Variants in PDIA5 observed in about 807,000 individuals in gnomAD.
PDIA5 encodes the protein protein disulfide isomerase family A member 5, also known as protein disulfide-isomerase A5.
Under a neutral mutation model 77.6 loss-of-function variants are expected in PDIA5, and 58 were observed. That is an observed-to-expected ratio of 0.75 (90% CI 0.61 to 0.93). PDIA5 has a LOEUF of 0.93. PDIA5 is among the 40% of genes least tolerant of loss of function. The pLI, the probability that PDIA5 is intolerant of heterozygous loss-of-function variation, is 0.00. For synonymous variants in PDIA5, 250 were observed against 252.1 expected (o/e 0.99, Z 0.08); for missense variants, 630 against 647.7 (o/e 0.97, Z 0.30).
intron 11 of PDIA5, among the ~76,000 whole-genome samples, chr3:123,143,998 G>A (rs1430713682): frequency 3.3e-5 from 5 of 152,124 alleles, no homozygotes; most frequent in African/African-American, 4.8e-5. Context: ...CTTGTCCCTG[G>A]GAGGGACAGG....
chr3:123,111,875 T>C (rs1397975704), intron 7 of PDIA5, among the ~76,000 whole-genome samples: 1 of 152,252 alleles, frequency 6.6e-6, no homozygotes, highest in Admixed American at 6.5e-5. Flanking sequence ...TCTGTTCTGT[T>C]TTTTTAAAAA....
intron 14 of PDIA5, among the ~76,000 whole-genome samples, chr3:123,151,920 C>T (rs1453656638): frequency 1.4e-5 from 2 of 146,614 alleles, no homozygotes; most frequent in African/African-American, 5.3e-5. Context: ...TTCCTGCCTT[C>T]CTTCCTTCCT....
At chr3:123,139,364 G>A (rs957355997) in intron 11 of PDIA5, among the ~76,000 whole-genome samples, 2 of 152,144 alleles carry the variant, frequency 1.3e-5, no homozygotes, top group South Asian at 4.1e-4. Flanking sequence ...TGGAAGGGAG[G>A]TGTTTTCTCA....
Position 123,124,088 on chromosome 3 carries a change from A to G in PDIA5, c.632A>G (p.Tyr211Cys), listed in dbSNP as rs749090585. 1.2e-6 allele frequency: 2 copies of G among 1,613,636 alleles called. No homozygotes were observed. Among genetic ancestry groups the G allele is most frequent in the South Asian group, 1.1e-5 (1 of 91,058 alleles). The change falls in exon 9 of 17, where the codon TAC (tyrosine) becomes TGC (cysteine). Residue 211 changes from tyrosine to cysteine, a missense_variant. Coordinates refer to ENST00000316218, the MANE Select transcript of PDIA5 (RefSeq NM_006810.4). ...CAGGTGCTGGCCGGGATGAATGTCT[A>G]CTCCTCTGAATTTGAAAACATCAAG... is the stretch of plus-strand genomic sequence containing the variant. ...GHAVLAGMNV[Y>C]SSEFENIKEE...
Position 123,110,934 on chromosome 3 carries a change from T to A in PDIA5, c.481-10T>A, listed in dbSNP as rs1934845308. 1 of 1,612,378 alleles carries A rather than the reference T, an allele frequency of 6.2e-7. No individual in the cohort carries two copies. Among genetic ancestry groups the A allele is most frequent in the Non-Finnish European group, 8.5e-7 (1 of 1,178,522 alleles). ...GTGCGAGCTGCTGGTATTCTCTTTT[T>A]GTGCCTCAGGACTTCAGACGGCTCC... On this transcript the variant is annotated splice_polypyrimidine_tract_variant and intron_variant, in intron 6 of 16. Transcript: ENST00000316218.
intron 10 of PDIA5, among the ~76,000 whole-genome samples, chr3:123,129,366 G>A (rs1334310834): frequency 6.6e-6 from 1 of 152,194 alleles, no homozygotes; most frequent in Non-Finnish European, 1.5e-5. Context: ...TGGCCAGTGG[G>A]GCCCAGTCAG....
intron 3 of PDIA5, among the ~76,000 whole-genome samples, chr3:123,101,926 T>TTTTTTTTTC (rs1934609677): frequency 6.9e-6 from 1 of 144,160 alleles, no homozygotes; most frequent in Admixed American, 7.0e-5. Context: ...TTTTTTTTTT[T>TTTTTTTTTC]TGAGATGGAG....
intron 1 of PDIA5, among the ~76,000 whole-genome samples, chr3:123,072,935 T>C (rs1933763198): frequency 6.6e-6 from 1 of 152,008 alleles, no homozygotes; most frequent in Admixed American, 6.6e-5. Context: ...TGTGTGTGTG[T>C]GTGTGTGTAT....
intron 15 of PDIA5, among the ~76,000 whole-genome samples, chr3:123,157,619 T>C (rs7629745): frequency 0.024 from 3,596 of 152,322 alleles, 60 homozygotes; most frequent in Admixed American, 0.035. Context: ...CCAATCAATA[T>C]GCAGTTGGTT....
chr3:123,158,469 G>A (rs1936071492), intron 15 of PDIA5, among the ~76,000 whole-genome samples: 1 of 152,208 alleles, frequency 6.6e-6, no homozygotes, highest in African/African-American at 2.4e-5. Context: ...GACCCTGGAA[G>A]TGAGACACGA....
intron 5 of PDIA5, among the ~76,000 whole-genome samples, chr3:123,104,162 T>C (rs976587176): frequency 6.6e-6 from 1 of 152,186 alleles, no homozygotes; most frequent in Non-Finnish European, 1.5e-5. Context: ...AGCGTTCTCT[T>C]GACCTTCCCG....
chr3:123,092,826 G>T (rs1934333956), intron 3 of PDIA5, among the ~76,000 whole-genome samples: 1 of 152,044 alleles, frequency 6.6e-6, no homozygotes, highest in South Asian at 2.1e-4. Context: ...CCTGTGGTGG[G>T]TCTGCAGCAA....
intron 11 of PDIA5, among the ~76,000 whole-genome samples, chr3:123,139,315 C>G (rs1183459876): frequency 1.3e-5 from 2 of 152,202 alleles, no homozygotes; most frequent in Non-Finnish European, 2.9e-5. Context: ...ACCGCCAGCT[C>G]TATCCATCAC....
At chr3:123,077,636 C>T (rs1420264380) in intron 1 of PDIA5, among the ~76,000 whole-genome samples, 3 of 151,872 alleles carry the variant, frequency 2.0e-5, no homozygotes, top group Non-Finnish European at 2.9e-5. Context: ...ATTTCAGAGG[C>T]TGCTGGGTAG....
Position 123,089,205 on chromosome 3 carries a change from C to T in PDIA5, c.80C>T (p.Ser27Phe), listed in dbSNP as rs1934221068. The T allele has an allele frequency of 1.9e-6, 3 of 1,614,010 alleles. No individual in the cohort carries two copies. Among genetic ancestry groups the T allele is most frequent in the Non-Finnish European group, 2.5e-6 (3 of 1,179,838 alleles). Residue 27 changes from serine (S) to phenylalanine (F), a missense_variant, in exon 2 of 17, where the codon TCC (serine) becomes TTC (phenylalanine). Physicochemically the swap from Ser to Phe is radical, Grantham distance 155. Transcript: ENST00000316218. ...LPSWLSSAKV[S>F]SLIERISDPK... is the part of the protein sequence containing the mutation. The stretch of plus-strand genomic sequence containing the variant: ...TCATGGCTGTCCTCTGCAAAGGTCT[C>T]CTCGCTCATTGAGAGAATCTCTGAC...
At chr3:123,132,505 A>G (rs972545472) in intron 11 of PDIA5, among the ~76,000 whole-genome samples, 2 of 152,234 alleles carry the variant, frequency 1.3e-5, no homozygotes, top group African/African-American at 4.8e-5. Flanking sequence ...CTAAGTTTCA[A>G]AAACCCTCTA....
chr3:123,101,843 C>T (rs952832959), intron 3 of PDIA5, among the ~76,000 whole-genome samples: 1 of 151,168 alleles, frequency 6.6e-6, no homozygotes, highest in African/African-American at 2.4e-5. Context: ...TCTGTGTTGC[C>T]ACCCACAAGT....
intron 15 of PDIA5, among the ~76,000 whole-genome samples, chr3:123,160,902 A>G (rs1936144547): frequency 6.6e-6 from 1 of 152,164 alleles, no homozygotes; most frequent in Non-Finnish European, 1.5e-5. Flanking sequence ...CTTGACTTGA[A>G]AGCTCTTGCC....
In PDIA5 at chr3:123,112,849, C is replaced by T. The variant is rs540065640; in HGVS notation, c.541+1845C>T. ...TGCTGGAATTACAGGTGTGAACCAC[C>T]GTGCCCGGCCCCCCAAGCCCTGTTT... On this transcript the variant is annotated intron_variant, in intron 7 of 16. Transcript: ENST00000316218. 5.3e-5 allele frequency among the ~76,000 whole-genome samples: 8 copies of T among 152,172 alleles called. No homozygotes were observed. The East Asian group carries it at 7.8e-4, about 15-fold the overall frequency.
Sources: allele counts gnomAD v4.1 joint callset (sites outside exome capture counted in the v4.1 genomes callset), GRCh38; gene constraint gnomAD v4.1.1; transcripts MANE v1.5; gene names NCBI Gene and HGNC (gene_info 2026-07-23, HGNC 2026-07-21).